The following BRAF variants were observed in gnomAD, a reference collection of about 807,000 sequenced individuals.
BRAF encodes the protein serine/threonine-protein kinase B-raf.
In BRAF, 16 loss-of-function variants were observed where a neutral mutation model predicts 104.6. The observed-to-expected ratio is 0.15, with a 90% CI of 0.10 to 0.23. The LOEUF is 0.23. Among genes scored for constraint, BRAF ranks in the 10% least tolerant of loss-of-function variants. BRAF has a pLI of 1.00. For synonymous variants in BRAF, 310 were observed against 341.6 expected (o/e 0.91, Z 1.02); for missense variants, 541 against 937.3 (o/e 0.58, Z 5.52).
chr7:140,743,145 C>T (rs1377970706), intron 17 of BRAF, among the ~76,000 whole-genome samples: 1 of 151,602 alleles, frequency 6.6e-6, no homozygotes, highest in Non-Finnish European at 1.5e-5. Context: ...CTAGTTCAAC[C>T]TTTGTGGAAG....
At chr7:140,897,789 C>T (rs992564017) in intron 1 of BRAF, among the ~76,000 whole-genome samples, 3 of 151,418 alleles carry the variant, frequency 2.0e-5, no homozygotes, top group South Asian at 2.1e-4. Context: ...TGTGAGCCAC[C>T]GCGCCCAGCC....
At chr7:140,821,126 G>C (rs1805430388) in intron 3 of BRAF, among the ~76,000 whole-genome samples, 1 of 151,794 alleles carries the variant, frequency 6.6e-6, no homozygotes, top group Admixed American at 6.6e-5. Flanking sequence ...CAAGTAGCTG[G>C]GGCTACAAAC....
intron 5 of BRAF, among the ~76,000 whole-genome samples, chr7:140,807,299 C>A (rs1458470614): frequency 1.3e-5 from 2 of 152,040 alleles, no homozygotes; most frequent in Non-Finnish European, 2.9e-5. Flanking sequence ...TGCAGAAAGA[C>A]CTTGTTTAGC....
intron 3 of BRAF, among the ~76,000 whole-genome samples, chr7:140,832,984 C>T (rs1562984412): frequency 1.3e-5 from 2 of 151,992 alleles, no homozygotes; most frequent in South Asian, 4.2e-4. Context: ...CAGCACTATC[C>T]TGCCTCAGCC....
At chr7:140,727,898 C>G (rs373557569) in intron 19 of BRAF, among the ~76,000 whole-genome samples, 2 of 152,240 alleles carry the variant, frequency 1.3e-5, no homozygotes, top group Non-Finnish European at 2.9e-5. Flanking sequence ...TGGGATTACA[C>G]GCATGAGCCA....
In BRAF at chr7:140,724,204, T is replaced by G. The variant is rs1795469695; in HGVS notation, c.*2290A>C. 1 of 1,056,820 alleles carries G rather than the reference T, an allele frequency of 9.5e-7. No individual in the cohort carries two copies. The highest frequency in any genetic ancestry group is 1.7e-5 in the African/African-American group (1 of 60,474). The allele number at this position is 1,056,820 out of a possible 1,614,324, so 65.5% of individuals were successfully genotyped here. A position where few individuals can be genotyped will look rare whatever the true frequency, so the allele number is the denominator to read the frequency against. The stretch of plus-strand genomic sequence containing the variant: ...GCTTCCTCCCTAATGGTACCGCCCC[T>G]GCCCCTGCCCCACGGAGGCAGTCCC... On this transcript the variant is annotated 3_prime_UTR_variant, in exon 20 of 20. Coordinates refer to ENST00000644969, the MANE Select transcript of BRAF (RefSeq NM_001374258.1).
At chr7:140,800,871 C>T (rs561845954) in intron 6 of BRAF, 17 of 306,954 alleles carry the variant, frequency 5.5e-5, no homozygotes, top group Admixed American at 1.5e-4. Flanking sequence ...GCACCAATGA[C>T]ACAAAAAGAG....
chr7:140,808,820 C>A, intron 4 of BRAF, 72 bp downstream of exon 4: 2 of 1,259,014 alleles, frequency 1.6e-6, no homozygotes, highest in African/African-American at 1.5e-5. Context: ...TGGTAAAGAT[C>A]CTAAGAAAAC....
rs368023958 is a variant in BRAF at position 140,834,903 on chromosome 7, C to T, written c.241-31G>A. 1.0e-4 allele frequency: 163 copies of T among 1,612,586 alleles called. No homozygotes were observed. In the African/African-American group the frequency reaches 1.4e-3, roughly 14 times the overall value. ...AAATAAAGCAGACTTATATTCAATC[C>T]GGACTTTGTCCTGACATTAACAAAA... On this transcript the variant is annotated intron_variant, in intron 2 of 19. Transcript: ENST00000644969.
At chr7:140,732,406 A>G (rs1585922917) in intron 19 of BRAF, 1 of 152,184 alleles carries the variant, frequency 6.6e-6, no homozygotes, top group East Asian at 1.9e-4. Flanking sequence ...AAGAACAAAT[A>G]CAATTAAACC....
In BRAF at chr7:140,919,064, G is replaced by A. The variant is rs545901095; in HGVS notation, c.138+5502C>T. 3.2e-3 allele frequency among the ~76,000 whole-genome samples: 491 copies of A among 151,586 alleles called. 3 individuals are homozygous for A. The highest frequency in any genetic ancestry group is 0.011 in the African/African-American group (468 of 41,344). On this transcript the variant is annotated intron_variant, in intron 1 of 19. Transcript: ENST00000644969. ...TGAGGCAGGAGAAAGGCAGAAAGGC[G>A]TGAACCCGGGAGGCAGAGCTTGCAG...
intron 1 of BRAF, among the ~76,000 whole-genome samples, chr7:140,908,989 CT>C (rs1224922004): frequency 0.26 from 31,392 of 120,158 alleles, 5,384 homozygotes; most frequent in African/African-American, 0.48. Flanking sequence ...TCTACGTTTT[CT>C]TTTTTTTTTT....
At chr7:140,858,279 A>G (rs1169002242) in intron 1 of BRAF, among the ~76,000 whole-genome samples, 2 of 152,198 alleles carry the variant, frequency 1.3e-5, no homozygotes, top group Admixed American at 6.5e-5. Flanking sequence ...TGAAGTATAC[A>G]TGCAAAACAT....
In BRAF at chr7:140,898,426, C is replaced by T. The variant is rs569338714; in HGVS notation, c.138+26140G>A. Among the ~76,000 whole-genome samples, 16 of 152,090 alleles carry T rather than the reference C, an allele frequency of 1.1e-4. No individual in the cohort carries two copies. In the South Asian group the frequency reaches 1.5e-3, roughly 14 times the overall value. ...ATAACAGAATACCTAAAAATAAGTT[C>T]TAAAAACAAATAGCATAATCTACAA... On this transcript the variant is annotated intron_variant, in intron 1 of 19. Coordinates refer to ENST00000644969, the MANE Select transcript of BRAF (RefSeq NM_001374258.1).
At chr7:140,791,279 A>G (rs956771681) in intron 8 of BRAF, among the ~76,000 whole-genome samples, 1 of 152,272 alleles carries the variant, frequency 6.6e-6, no homozygotes, top group South Asian at 2.1e-4. Context: ...ACAGCTCTCA[A>G]TGAAGTAAAG....
At chr7:140,857,743 T>C (rs1307410909) in intron 1 of BRAF, among the ~76,000 whole-genome samples, 1 of 152,122 alleles carries the variant, frequency 6.6e-6, no homozygotes, top group Non-Finnish European at 1.5e-5. Flanking sequence ...GTGCCAGATA[T>C]CAGAACAACA....
chr7:140,796,306 ACGTCT>A (rs1802487637), intron 7 of BRAF, among the ~76,000 whole-genome samples: 1 of 151,582 alleles, frequency 6.6e-6, no homozygotes, highest in African/African-American at 2.4e-5. Context: ...AGCCAAGATC[ACGTCT>A]CTGCACTCGC....
intron 8 of BRAF, among the ~76,000 whole-genome samples, chr7:140,788,407 T>C (rs1257871777): frequency 6.6e-6 from 1 of 152,200 alleles, no homozygotes; most frequent in East Asian, 1.9e-4. Flanking sequence ...TTATGGTGTA[T>C]CAATTTAATG....
In BRAF at chr7:140,850,145, C is replaced by G. The variant is rs1554412417; in HGVS notation, c.206G>C (p.Gly69Ala). The change falls in exon 2 of 20, where the codon GGT (glycine) becomes GCT (alanine). Residue 69 changes from glycine to alanine, a missense_variant. Transcript: ENST00000644969. ...EHIEALLDKF[G>A]GEHNPPSIYL... ...TATTGATGGTGGATTATGCTCCCCACCAAATTTGTCCAATAGGGCCTCTAT... is the reference window on the plus strand; with the variant it reads ...TATTGATGGTGGATTATGCTCCCCAGCAAATTTGTCCAATAGGGCCTCTAT... 2 of 1,611,880 alleles carry G rather than the reference C, an allele frequency of 1.2e-6. No individual in the cohort carries two copies.
Sources: gnomAD v4.1 joint callset for allele counts (sites outside exome capture counted in the v4.1 genomes callset) on GRCh38, gnomAD v4.1.1 for gene constraint, MANE v1.5 for transcripts, NCBI Gene and HGNC (gene_info 2026-07-23, HGNC 2026-07-21) for gene names.